Variants in WDR72 observed in about 807,000 individuals in gnomAD.
WDR72 encodes WD repeat domain 72.
A neutral mutation model predicts 124.2 loss-of-function variants in WDR72; 120 were observed. The ratio of observed to expected loss-of-function variants is 0.97; its 90% confidence interval spans 0.83 to 1.12. WDR72 has a LOEUF of 1.12. Among genes scored for constraint, WDR72 ranks in the 50% most tolerant of loss-of-function variants. WDR72 has a pLI of 0.00. For missense variants in WDR72, 1,387 were observed against 1,278.8 expected, an observed-to-expected ratio of 1.08 and a Z score of -1.29; for synonymous variants, 452 against 441.7, an observed-to-expected ratio of 1.02 and a Z score of -0.29.
At chr15:53,761,016 C>G (rs2019053785), upstream of WDR72, among the ~76,000 whole-genome samples, 1 of 151,984 alleles carries the variant, frequency 6.6e-6, no homozygotes, top group African/African-American at 2.4e-5. Flanking sequence ...CGATGCTACT[C>G]CAGAGACTGA....
chr15:53,691,862 G>T (rs984911961), intron 13 of WDR72, among the ~76,000 whole-genome samples: 1 of 152,138 alleles, frequency 6.6e-6, no homozygotes, highest in East Asian at 1.9e-4. Flanking sequence ...CTAAGCAATA[G>T]AATTAGTTTG....
intron 9 of WDR72, among the ~76,000 whole-genome samples, chr15:53,710,188 A>G (rs1249174636): frequency 6.6e-6 from 1 of 152,244 alleles, no homozygotes; most frequent in Non-Finnish European, 1.5e-5. Context: ...AGCTAAATAC[A>G]TCTGAAAATG....
intron 18 of WDR72, among the ~76,000 whole-genome samples, chr15:53,573,335 A>G (rs372260750): frequency 1.3e-5 from 2 of 152,208 alleles, no homozygotes; most frequent in Non-Finnish European, 1.5e-5. Flanking sequence ...ATCAATTCAC[A>G]ATGGCATATG....
Position 53,515,365 on chromosome 15 carries a change from T to C in WDR72, c.*2334A>G, listed in dbSNP as rs1279960546. On this transcript the variant is annotated 3_prime_UTR_variant, in exon 20 of 20. Transcript: ENST00000360509. ...TACGTGGTCTATCCAGTTAACTGTG[T>C]GGCAATTTGCTATTTCAAGTCCTCT... The C allele has an allele frequency of 6.6e-6, 1 of 152,110 alleles. No individual in the cohort carries two copies. The highest frequency in any genetic ancestry group is 2.4e-5 in the African/African-American group (1 of 41,442). 9.4% of individuals were successfully genotyped at this position (152,110 alleles called of 1,614,324 possible). A position where few individuals can be genotyped will look rare whatever the true frequency, so the allele number is the denominator to read the frequency against.
At position 53,637,511 on chromosome 15, in the gene WDR72, T is replaced by C. The variant is rs112801073; in HGVS notation, c.1963-21268A>G. Among the ~76,000 whole-genome samples the C allele has an allele frequency of 2.9e-3, 443 of 152,326 alleles. 2 individuals are homozygous for C. The highest frequency in any genetic ancestry group is 0.01 in the African/African-American group (419 of 41,582). On this transcript the variant is annotated intron_variant, in intron 14 of 19. Transcript: ENST00000360509. ...CAATAGCTCCCAAGTGTCTGTAGAA[T>C]TAAGTTCAAATTCATTGAGTTGGCA...
At chr15:53,535,082 A>G (rs1359180840) in intron 18 of WDR72, among the ~76,000 whole-genome samples, 1 of 152,164 alleles carries the variant, frequency 6.6e-6, no homozygotes, top group Non-Finnish European at 1.5e-5. Context: ...TAATTTAACT[A>G]GATAAAAATA....
chr15:53,698,211 G>C (rs949396720), intron 13 of WDR72, among the ~76,000 whole-genome samples: 1 of 152,272 alleles, frequency 6.6e-6, no homozygotes, highest in South Asian at 2.1e-4. Flanking sequence ...TAAATAAAAA[G>C]TTACATAGCC....
At chr15:53,706,350 G>GTATA (rs56246540) in intron 9 of WDR72, among the ~76,000 whole-genome samples, 98 of 25,648 alleles carry the variant, frequency 3.8e-3, no homozygotes, top group Admixed American at 9.7e-3. Context: ...GTGTGTGTGT[G>GTATA]TATATATATA....
intron 3 of WDR72, 72 bp downstream of exon 3, chr15:53,722,730 A>C: frequency 1.5e-6 from 2 of 1,349,184 alleles, no homozygotes; most frequent in South Asian, 2.3e-5. Context: ...CAGCCCTAAA[A>C]TTGTATTCCA....
intron 13 of WDR72, among the ~76,000 whole-genome samples, chr15:53,685,432 G>A (rs1242550741): frequency 1.5e-5 from 2 of 129,436 alleles, no homozygotes; most frequent in African/African-American, 3.0e-5. Flanking sequence ...CTCAGGAGCC[G>A]ACGCGATCAA....
chr15:53,596,078 C>G (rs2012759563), intron 18 of WDR72, among the ~76,000 whole-genome samples: 2 of 152,086 alleles, frequency 1.3e-5, no homozygotes, highest in African/African-American at 4.8e-5. Context: ...AGAATGACTC[C>G]TGTTTTAAGA....
intron 18 of WDR72, among the ~76,000 whole-genome samples, chr15:53,527,426 G>GA (rs149835312): frequency 0.025 from 3,827 of 152,006 alleles, 161 homozygotes; most frequent in African/African-American, 0.088. Flanking sequence ...GTGGCCACTG[G>GA]AAAAAAGTCT....
chr15:53,552,011 C>G (rs1271184978), intron 18 of WDR72, among the ~76,000 whole-genome samples: 4 of 152,104 alleles, frequency 2.6e-5, no homozygotes, highest in Non-Finnish European at 4.4e-5. Context: ...ATTCAGCCAT[C>G]TGCTGCTGAG....
intron 18 of WDR72, among the ~76,000 whole-genome samples, chr15:53,540,541 C>T (rs1893035489): frequency 9.4e-6 from 1 of 106,622 alleles, no homozygotes; most frequent in Non-Finnish European, 2.0e-5. Context: ...ATAATGAAGA[C>T]ATAACAATAC....
chr15:53,592,318 A>C (rs1270329906), intron 18 of WDR72, among the ~76,000 whole-genome samples: 2 of 152,048 alleles, frequency 1.3e-5, no homozygotes, highest in Non-Finnish European at 2.9e-5. Flanking sequence ...AAATGAAAAA[A>C]AGATGCACTT....
At chr15:53,706,334 G>A (rs182626260) in intron 9 of WDR72, among the ~76,000 whole-genome samples, 1 of 24,026 alleles carries the variant, frequency 4.2e-5, no homozygotes, top group East Asian at 3.4e-3. Flanking sequence ...ATATGTGCGT[G>A]TGTGTGTGTG....
intron 13 of WDR72, among the ~76,000 whole-genome samples, chr15:53,673,056 G>C (rs2016047941): frequency 6.6e-6 from 1 of 152,094 alleles, no homozygotes; most frequent in African/African-American, 2.4e-5. Context: ...GGGATGTCAA[G>C]GCTGTAGTGA....
intron 14 of WDR72, among the ~76,000 whole-genome samples, chr15:53,618,642 G>C (rs1239236889): frequency 6.6e-6 from 1 of 151,988 alleles, no homozygotes; most frequent in Non-Finnish European, 1.5e-5. Flanking sequence ...CAGTTGAGAA[G>C]TCAGCTGCTA....
At chr15:53,558,054 CT>C (rs1273634471) in intron 18 of WDR72, among the ~76,000 whole-genome samples, 1 of 151,902 alleles carries the variant, frequency 6.6e-6, no homozygotes, top group South Asian at 2.1e-4. Flanking sequence ...AGTGGGTTCC[CT>C]GAGTAGAGGA....
Sources: gnomAD v4.1 joint callset for allele counts (sites outside exome capture counted in the v4.1 genomes callset) on GRCh38, gnomAD v4.1.1 for gene constraint, MANE v1.5 for transcripts, NCBI Gene and HGNC (gene_info 2026-07-23, HGNC 2026-07-21) for gene names.